The following ANKS1B variants were observed in gnomAD, a reference collection of about 807,000 sequenced individuals.
ANKS1B encodes ankyrin repeat and sterile alpha motif domain containing 1B.
Under a neutral mutation model 148.3 loss-of-function variants are expected in ANKS1B, and 36 were observed. The observed-to-expected ratio is 0.24, with a 90% CI of 0.19 to 0.32. The LOEUF is 0.32. Among genes scored for constraint, ANKS1B ranks in the 10% least tolerant of loss-of-function variants. The pLI, the probability that ANKS1B is intolerant of heterozygous loss-of-function variation, is 1.00. For missense variants in ANKS1B, 1,157 were observed against 1,542.6 expected (o/e 0.75, Z 4.19); for synonymous variants, 542 against 560.8 (o/e 0.97, Z 0.47).
At chr12:99,384,430 G>A (rs568453435) in intron 12 of ANKS1B, among the ~76,000 whole-genome samples, 5 of 152,252 alleles carry the variant, frequency 3.3e-5, no homozygotes, top group East Asian at 1.9e-4. Context: ...AGCCTACCAC[G>A]TGCAAAGCTT....
chr12:98,983,138 G>A (rs190410624), intron 17 of ANKS1B, among the ~76,000 whole-genome samples: 1 of 152,282 alleles, frequency 6.6e-6, no homozygotes, highest in East Asian at 1.9e-4. Flanking sequence ...AGGTGGGCCT[G>A]GATGGGTTCT....
At chr12:99,587,178 G>T (rs891465515) in intron 9 of ANKS1B, among the ~76,000 whole-genome samples, 1 of 152,088 alleles carries the variant, frequency 6.6e-6, no homozygotes, top group Non-Finnish European at 1.5e-5. Flanking sequence ...AAGAAGAAAG[G>T]TTCCTGCCAC....
At chr12:99,384,433 C>A (rs1423904619) in intron 12 of ANKS1B, among the ~76,000 whole-genome samples, 1 of 152,152 alleles carries the variant, frequency 6.6e-6, no homozygotes, top group Non-Finnish European at 1.5e-5. Context: ...CTACCACGTG[C>A]AAAGCTTTAT....
intron 12 of ANKS1B, among the ~76,000 whole-genome samples, chr12:99,289,808 T>A (rs1476429617): frequency 6.6e-6 from 1 of 151,696 alleles, no homozygotes; most frequent in Non-Finnish European, 1.5e-5. Flanking sequence ...AGTTCCTACA[T>A]CAAAAAAGTA....
intron 17 of ANKS1B, among the ~76,000 whole-genome samples, chr12:98,922,136 T>C (rs945540131): frequency 6.6e-6 from 1 of 152,228 alleles, no homozygotes; most frequent in South Asian, 2.1e-4. Context: ...TTGAGAACTG[T>C]ATTTTTCATT....
chr12:98,811,702 C>T (rs2099097584), intron 19 of ANKS1B, among the ~76,000 whole-genome samples: 1 of 152,144 alleles, frequency 6.6e-6, no homozygotes, highest in Non-Finnish European at 1.5e-5. Flanking sequence ...CAATGTTCTG[C>T]CTATGTGGAG....
At chr12:99,215,771 C>T (rs2084073070) in intron 14 of ANKS1B, among the ~76,000 whole-genome samples, 1 of 152,232 alleles carries the variant, frequency 6.6e-6, no homozygotes. Flanking sequence ...AACTAACTTG[C>T]TTTGATTTTA....
intron 15 of ANKS1B, 139 bp from the exon 16 acceptor site, chr12:99,085,162 G>T: frequency 1.4e-6 from 1 of 700,620 alleles, no homozygotes; most frequent in Non-Finnish European, 2.4e-6. Flanking sequence ...CTTCCGTGAG[G>T]GTGAGGGCAG....
chr12:99,077,415 T>C (rs994409206), intron 16 of ANKS1B, among the ~76,000 whole-genome samples: 1 of 152,120 alleles, frequency 6.6e-6, no homozygotes, highest in Non-Finnish European at 1.5e-5. Context: ...GATGGGAGAA[T>C]GAAAATAAGT....
rs113217108 is a variant in ANKS1B at position 98,912,322 on chromosome 12, C to T, written c.2779-80186G>A. On this transcript the variant is annotated intron_variant, in intron 17 of 26. Coordinates refer to ENST00000683438, the MANE Select transcript of ANKS1B (RefSeq NM_001352186.2). ...TAGACTTTGCTGTTAGTATCCTGAG[C>T]ACTCGCTACCAGAGAAGTAGCTGCA... 2.2e-3 allele frequency among the ~76,000 whole-genome samples: 341 copies of T among 152,278 alleles called. 1 individual carries two copies. Among genetic ancestry groups the T allele is most frequent in the African/African-American group, 7.9e-3 (327 of 41,556 alleles).
intron 8 of ANKS1B, 73 bp from the exon 9 acceptor site, chr12:99,655,283 T>C (rs2098444543): frequency 7.5e-7 from 1 of 1,339,700 alleles, no homozygotes. Flanking sequence ...AATTAAATTC[T>C]ATAAATGACA....
chr12:99,330,914 A>G (rs1182103404), intron 12 of ANKS1B, among the ~76,000 whole-genome samples: 1 of 151,978 alleles, frequency 6.6e-6, no homozygotes, highest in Non-Finnish European at 1.5e-5. Context: ...TACTTAGTGT[A>G]CTAGGTTATG....
chr12:99,376,184 A>G (rs1156811225), intron 12 of ANKS1B, among the ~76,000 whole-genome samples: 2 of 152,350 alleles, frequency 1.3e-5, no homozygotes, highest in African/African-American at 4.8e-5. Flanking sequence ...TCAGAACTCA[A>G]TGCATATGAT....
intron 14 of ANKS1B, among the ~76,000 whole-genome samples, chr12:99,162,689 T>A (rs2076784591): frequency 6.6e-6 from 1 of 151,856 alleles, no homozygotes; most frequent in South Asian, 2.1e-4. Context: ...TATGGGAGAG[T>A]ATTTTTGGCA....
At chr12:99,358,767 T>A (rs2092247395) in intron 12 of ANKS1B, among the ~76,000 whole-genome samples, 1 of 152,166 alleles carries the variant, frequency 6.6e-6, no homozygotes, top group South Asian at 2.1e-4. Flanking sequence ...GAATGCCCTA[T>A]ATGTAGTCAG....
chr12:99,881,827 A>G (rs146684846), intron 1 of ANKS1B, among the ~76,000 whole-genome samples: 1 of 152,342 alleles, frequency 6.6e-6, no homozygotes, highest in Non-Finnish European at 1.5e-5. Flanking sequence ...AAAAATATCA[A>G]CATTCACCAT....
chr12:99,972,313 A>C (rs1226083469), intron 1 of ANKS1B, among the ~76,000 whole-genome samples: 1 of 152,246 alleles, frequency 6.6e-6, no homozygotes, highest in Non-Finnish European at 1.5e-5. Context: ...ACTGAAAGCT[A>C]GGCCTCTTAT....
chr12:99,805,727 C>G lies in ANKS1B; in HGVS notation c.669+677G>C, dbSNP rs531643338. Among the ~76,000 whole-genome samples the G allele has an allele frequency of 2.0e-4, 30 of 152,122 alleles. 1 individual carries two copies. The South Asian group carries it at 6.0e-3, about 31-fold the overall frequency. ...TGGAGAAACAAAACCTATCCAAATC[C>G]TATTCTTCCTACAAAGCTCACCTCA... On this transcript the variant is annotated intron_variant, in intron 4 of 26. Coordinates refer to ENST00000683438, the MANE Select transcript of ANKS1B (RefSeq NM_001352186.2).
At position 99,320,349 on chromosome 12, in the gene ANKS1B, CT is replaced by C. The variant is rs547464522; in HGVS notation, c.1757-73486del. On this transcript the variant is annotated intron_variant, in intron 12 of 26. Coordinates refer to ENST00000683438, the MANE Select transcript of ANKS1B (RefSeq NM_001352186.2). The stretch of plus-strand genomic sequence containing the variant: ...TACAACAATCAGATGTAGATTTGGT[CT>C]TTTCACATAGTCCCATACTTTTTGG... Among the ~76,000 whole-genome samples, 249 of 152,290 alleles carry C rather than the reference CT, an allele frequency of 1.6e-3. 1 individual carries two copies. Among genetic ancestry groups the C allele is most frequent in the African/African-American group, 5.6e-3 (232 of 41,558 alleles).
Sources: gnomAD v4.1 joint callset for allele counts (sites outside exome capture counted in the v4.1 genomes callset) on GRCh38, gnomAD v4.1.1 for gene constraint, MANE v1.5 for transcripts, NCBI Gene and HGNC (gene_info 2026-07-23, HGNC 2026-07-21) for gene names.